The following RGS12 variants were observed in gnomAD, a reference collection of about 807,000 sequenced individuals.
RGS12 encodes regulator of G-protein signaling 12.
A neutral mutation model predicts 120.1 loss-of-function variants in RGS12; 66 were observed. The observed-to-expected ratio is 0.55, with a 90% CI of 0.45 to 0.67. RGS12 has a LOEUF of 0.67. RGS12 is among the 30% of genes least tolerant of loss of function. The pLI is 0.00. For missense variants in RGS12, 1,859 were observed against 1,957.7 expected, an observed-to-expected ratio of 0.95 and a Z score of 0.95; for synonymous variants, 827 against 804.7, an observed-to-expected ratio of 1.03 and a Z score of -0.47.
At chr4:3,416,798 G>A (rs866641823) in intron 7 of RGS12, 115 bp from the exon 8 acceptor site, 36 of 913,166 alleles carry the variant, frequency 3.9e-5, no homozygotes, top group Middle Eastern at 2.3e-4. Context: ...GGACTGAAAC[G>A]ATGTCCTTTC....
chr4:3,313,343 T>C (rs1422370812), intron 1 of RGS12, among the ~76,000 whole-genome samples: 1 of 152,232 alleles, frequency 6.6e-6, no homozygotes, highest in Non-Finnish European at 1.5e-5. Context: ...CATGACCTGC[T>C]GTCCTGGGGC....
At chr4:3,423,179 C>T (rs981994171) in intron 12 of RGS12, among the ~76,000 whole-genome samples, 4 of 152,198 alleles carry the variant, frequency 2.6e-5, no homozygotes, top group African/African-American at 9.6e-5. Flanking sequence ...CCCTCTCCTC[C>T]CTGTCCCGTG....
At chr4:3,324,982 C>T (rs1252232375) in intron 2 of RGS12, among the ~76,000 whole-genome samples, 2 of 151,976 alleles carry the variant, frequency 1.3e-5, no homozygotes, top group Non-Finnish European at 2.9e-5. Flanking sequence ...AGGCCTTTTT[C>T]TTATTGATTA....
At chr4:3,337,222 C>T (rs1205233377) in intron 2 of RGS12, among the ~76,000 whole-genome samples, 1 of 152,104 alleles carries the variant, frequency 6.6e-6, no homozygotes. Flanking sequence ...GAAAAATGAC[C>T]CGTGTTGGGC....
At position 3,366,205 on chromosome 4, in the gene RGS12, G is replaced by C. The variant is rs190097371; in HGVS notation, c.1999-20211G>C. 2.6e-3 allele frequency among the ~76,000 whole-genome samples: 396 copies of C among 152,230 alleles called. No individual in the cohort carries two copies. Among genetic ancestry groups the C allele is most frequent in the Non-Finnish European group, 4.7e-3 (318 of 68,004 alleles). ...GGGGTTAGGGGTTAGGCACAGGGCT[G>C]GGGCGGGTGCTGGGCAGACTGCAAA... On this transcript the variant is annotated intron_variant, in intron 3 of 17. Transcript: ENST00000336727. This position sits in a 1 kb window ranked among gnomAD's most constrained non-coding sequence, Gnocchi z 4.0.
intron 3 of RGS12, among the ~76,000 whole-genome samples, chr4:3,381,530 A>G (rs1174185217): frequency 2.0e-5 from 3 of 152,214 alleles, no homozygotes; most frequent in Non-Finnish European, 4.4e-5. Context: ...GGAACTTACA[A>G]TCATGGCAGA....
intron 3 of RGS12, among the ~76,000 whole-genome samples, chr4:3,382,249 CAG>C (rs1424712155): frequency 1.3e-5 from 2 of 152,102 alleles, no homozygotes; most frequent in Non-Finnish European, 1.5e-5. Flanking sequence ...AAGTTCTTGT[CAG>C]AGATATAATG....
chr4:3,310,658 G>A (rs1277380024), intron 1 of RGS12, among the ~76,000 whole-genome samples: 2 of 151,994 alleles, frequency 1.3e-5, no homozygotes, highest in African/African-American at 4.8e-5. Context: ...GTATCAGATC[G>A]TCTGGTGTGT....
rs181940027 is a variant in RGS12 at position 3,345,805 on chromosome 4, A to G, written c.1998+2752A>G. On this transcript the variant is annotated intron_variant, in intron 3 of 17. Transcript: ENST00000336727. ...ATAATATGACAATCCTAGTTTGCAT[A>G]ATGTTTTGAGTCATGAACATAGGCT... Among the ~76,000 whole-genome samples, 152 of 152,344 alleles carry G rather than the reference A, an allele frequency of 1.0e-3. 1 individual carries two copies. Among genetic ancestry groups the G allele is most frequent in the Non-Finnish European group, 4.7e-4 (32 of 68,012 alleles).
chr4:3,396,128 C>T (rs1720025784), intron 4 of RGS12, among the ~76,000 whole-genome samples: 1 of 151,982 alleles, frequency 6.6e-6, no homozygotes, highest in Admixed American at 6.6e-5. Flanking sequence ...TATTTTCCAT[C>T]CACAGTTGGT....
chr4:3,366,578 C>T lies in RGS12; in HGVS notation c.1999-19838C>T, dbSNP rs896294995. On this transcript the variant is annotated intron_variant, in intron 3 of 17. Coordinates refer to ENST00000336727, the MANE Select transcript of RGS12 (RefSeq NM_001394154.1). This position sits in a 1 kb window ranked among gnomAD's most constrained non-coding sequence, Gnocchi z 4.0. ...GGCTTGCGGCCGGGATCCACCAGGGCCGTCCCGGTTCCTGGGTGTTCCGCG... is the reference window on the plus strand; with the variant it reads ...GGCTTGCGGCCGGGATCCACCAGGGTCGTCCCGGTTCCTGGGTGTTCCGCG... 6.6e-6 allele frequency among the ~76,000 whole-genome samples: 1 copy of T among 152,224 alleles called. No homozygotes were observed. The highest frequency in any genetic ancestry group is 1.5e-5 in the Non-Finnish European group (1 of 68,036).
Position 3,430,570 on chromosome 4 carries a change from G to C in RGS12, c.3729G>C (p.Lys1243Asn), listed in dbSNP as rs1245326384. The change falls in exon 17 of 18, where the codon AAG (lysine) becomes AAC (asparagine). Residue 1243 changes from lysine (K) to asparagine (N), a missense_variant. Physicochemically the swap from Lys to Asn is moderately conservative, Grantham distance 94. Coordinates refer to ENST00000336727, the MANE Select transcript of RGS12 (RefSeq NM_001394154.1). ...CTGCTGTGGCCAAGGGCTTTAGCAA[G>C]AGAAGCGCCACAGGCAACGGCCGGG... ...TPAAVAKGFSKRSATGNGRES... is the reference protein window; with the variant it reads ...TPAAVAKGFSNRSATGNGRES... 1 of 1,613,040 alleles carries C rather than the reference G, an allele frequency of 6.2e-7. No individual in the cohort carries two copies. Among genetic ancestry groups the C allele is most frequent in the Admixed American group, 1.7e-5 (1 of 60,006 alleles).
At chr4:3,361,976 G>T (rs1017375000) in intron 3 of RGS12, among the ~76,000 whole-genome samples, 10 of 152,210 alleles carry the variant, frequency 6.6e-5, no homozygotes, top group African/African-American at 1.7e-4. Flanking sequence ...CCTGCCTGGG[G>T]AAGTCAGTGT....
chr4:3,370,209 C>T (rs1275101264), intron 3 of RGS12: 1 of 1,592,438 alleles, frequency 6.3e-7, no homozygotes, highest in Non-Finnish European at 8.6e-7. Flanking sequence ...CACGCACAAG[C>T]TGCGGTGTTG....
chr4:3,346,171 A>C (rs1038123907), intron 3 of RGS12, among the ~76,000 whole-genome samples: 2 of 152,196 alleles, frequency 1.3e-5, no homozygotes, highest in African/African-American at 4.8e-5. Context: ...GAGCAATTTT[A>C]TCATCTAGTG....
chr4:3,293,992 C>G (rs151140252), intron 1 of RGS12, among the ~76,000 whole-genome samples: 653 of 28,268 alleles, frequency 0.023, 2 homozygotes, highest in African/African-American at 0.053. Flanking sequence ...AGGGTGAACA[C>G]AGAGGGGGCC....
chr4:3,314,901 C>T (rs1183528400), intron 1 of RGS12: 2 of 152,270 alleles, frequency 1.3e-5, no homozygotes, highest in Non-Finnish European at 2.9e-5. Flanking sequence ...GCCCACCACC[C>T]TCAATGAAGA....
chr4:3,311,901 G>A (rs1724424957), intron 1 of RGS12, among the ~76,000 whole-genome samples: 1 of 152,178 alleles, frequency 6.6e-6, no homozygotes, highest in African/African-American at 2.4e-5. Context: ...GCGGCGAGTG[G>A]GGACCTTCGT....
intron 2 of RGS12, among the ~76,000 whole-genome samples, chr4:3,332,747 GC>G (rs1712001187): frequency 6.6e-6 from 1 of 152,212 alleles, no homozygotes; most frequent in Non-Finnish European, 1.5e-5. Context: ...ACGTGTCCCT[GC>G]CCCGGGCATG....
Sources: allele counts gnomAD v4.1 joint callset (sites outside exome capture counted in the v4.1 genomes callset), GRCh38; gene constraint gnomAD v4.1.1; non-coding constraint Gnocchi (gnomAD v3.1); transcripts MANE v1.5; gene names NCBI Gene and HGNC (gene_info 2026-07-23, HGNC 2026-07-21).